Variants in ENTPD3 observed in about 807,000 individuals in gnomAD.
ENTPD3 encodes ectonucleoside triphosphate diphosphohydrolase 3.
ENTPD3 carries 60 observed loss-of-function variants against 51.2 expected under a neutral mutation model. The ratio of observed to expected loss-of-function variants is 1.17; its 90% CI spans 0.95 to 1.45. ENTPD3 has a LOEUF of 1.45. Ranked by LOEUF, ENTPD3 falls within the 40% of genes most tolerant of loss-of-function variation. The pLI is 0.00. For synonymous variants in ENTPD3, 221 were observed against 238.4 expected (o/e 0.93, Z 0.67); for missense variants, 593 against 641.1 (o/e 0.93, Z 0.81).
chr3:40,411,935 G>C lies in ENTPD3; in HGVS notation c.410G>C (p.Gly137Ala), dbSNP rs1955642206. 6.2e-7 allele frequency: 1 copy of C among 1,611,382 alleles called. No homozygotes were observed. Among genetic ancestry groups the C allele is most frequent in the Non-Finnish European group, 8.5e-7 (1 of 1,178,910 alleles). The change falls in exon 5 of 11, where the codon GGA becomes GCA. Residue 137 changes from glycine (G) to alanine (A), a missense_variant. By Grantham distance (60) the Gly-to-Ala change is moderately conservative. Transcript: ENST00000301825. ...CACGGATCCACCCCCATTCACCTGG[G>C]AGCCACGGCTGGGATGCGCTTGCTG... ...HLHGSTPIHL[G>A]ATAGMRLLRL...
chr3:40,415,845 C>G lies in ENTPD3; in HGVS notation c.603C>G (p.Asn201Lys), dbSNP rs1264758508. Reference protein sequence around the residue: ...NYLMGNFLEKNLWHMWVHPHG... With the variant: ...NYLMGNFLEKKLWHMWVHPHG... ...TTCCTTTTCCCACTGTGCAGAAGAA[C>G]CTGTGGCACATGTGGGTGCACCCGC... The change falls in exon 7 of 11, where the codon AAC becomes AAG. Residue 201 changes from asparagine (N) to lysine (K), a missense_variant. Coordinates refer to ENST00000301825, the MANE Select transcript of ENTPD3 (RefSeq NM_001248.4). 6.2e-7 allele frequency: 1 copy of G among 1,613,358 alleles called. No individual in the cohort carries two copies. The highest frequency in any genetic ancestry group is 8.5e-7 in the Non-Finnish European group (1 of 1,179,454).
At chr3:40,393,310 T>C (rs1559507433) in intron 3 of ENTPD3, among the ~76,000 whole-genome samples, 1 of 152,196 alleles carries the variant, frequency 6.6e-6, no homozygotes, top group Non-Finnish European at 1.5e-5. Context: ...TTTTGACTCA[T>C]TAAGAATGTA....
At chr3:40,389,860 A>T (rs1955015070) in intron 2 of ENTPD3, among the ~76,000 whole-genome samples, 1 of 152,160 alleles carries the variant, frequency 6.6e-6, no homozygotes, top group Admixed American at 6.5e-5. Flanking sequence ...GAAATAATGG[A>T]GGGGTAAAGC....
At chr3:40,390,126 G>A (rs994338290) in intron 2 of ENTPD3, among the ~76,000 whole-genome samples, 5 of 152,120 alleles carry the variant, frequency 3.3e-5, no homozygotes, top group Non-Finnish European at 7.3e-5. Context: ...TGAATCTAGT[G>A]ATCTTTCTAT....
At chr3:40,389,736 C>T (rs189385097) in intron 2 of ENTPD3, among the ~76,000 whole-genome samples, 2 of 152,194 alleles carry the variant, frequency 1.3e-5, no homozygotes, top group East Asian at 1.9e-4. Flanking sequence ...AGACCTACTG[C>T]GTGACTGCCC....
At chr3:40,405,564 G>A (rs1259366393) in intron 4 of ENTPD3, among the ~76,000 whole-genome samples, 2 of 151,864 alleles carry the variant, frequency 1.3e-5, no homozygotes, top group Non-Finnish European at 2.9e-5. Flanking sequence ...GCGTGTCTTT[G>A]GCTTCTGTTT....
At chr3:40,388,716 G>A (rs1048700393) in intron 2 of ENTPD3, among the ~76,000 whole-genome samples, 19 of 152,140 alleles carry the variant, frequency 1.2e-4, no homozygotes, top group Middle Eastern at 3.4e-3. Flanking sequence ...GCTCAGGTAG[G>A]TACCTTGCAA....
At chr3:40,411,701 C>G in intron 4 of ENTPD3, 111 bp from the exon 5 acceptor site, 3 of 1,147,006 alleles carry the variant, frequency 2.6e-6, no homozygotes, top group Non-Finnish European at 3.6e-6. Context: ...TGTTTTCGAC[C>G]CCCTACCAAA....
chr3:40,387,978 G>A (rs1175759469), intron 1 of ENTPD3, 68 bp from the exon 2 acceptor site: 21 of 1,330,108 alleles, frequency 1.6e-5, no homozygotes, highest in Non-Finnish European at 2.3e-5. Flanking sequence ...CTTAACCTGG[G>A]CTCGTTCTTT....
rs1485984545 is a variant in ENTPD3 at position 40,411,926 on chromosome 3, T to G, written c.401T>G (p.Ile134Ser). 6.2e-7 allele frequency: 1 copy of G among 1,611,838 alleles called. No individual in the cohort carries two copies. Among genetic ancestry groups the G allele is most frequent in the Non-Finnish European group, 8.5e-7 (1 of 1,179,100 alleles). The change falls in exon 5 of 11, where the codon ATT (isoleucine) becomes AGT (serine). Residue 134 changes from isoleucine to serine, a missense_variant. Physicochemically the swap from Ile to Ser is moderately radical, Grantham distance 142. Transcript: ENST00000301825. ...VPSHLHGSTP[I>S]HLGATAGMRL... is the part of the protein sequence containing the mutation. ...TCCCACCTCCACGGATCCACCCCCA[T>G]TCACCTGGGAGCCACGGCTGGGATG...
At chr3:40,388,461 C>T (rs1323751892) in intron 2 of ENTPD3, among the ~76,000 whole-genome samples, 2 of 152,000 alleles carry the variant, frequency 1.3e-5, no homozygotes, top group Non-Finnish European at 2.9e-5. Flanking sequence ...CCTGTATTCC[C>T]ATCCAAATGT....
intron 4 of ENTPD3, among the ~76,000 whole-genome samples, chr3:40,410,702 C>T (rs577353285): frequency 2.0e-5 from 3 of 152,044 alleles, no homozygotes; most frequent in East Asian, 1.9e-4. Context: ...AGGGTACAAT[C>T]GACAAACTCT....
intron 7 of ENTPD3, among the ~76,000 whole-genome samples, chr3:40,418,286 A>T (rs1418708848): frequency 2.6e-5 from 4 of 152,194 alleles, no homozygotes; most frequent in Non-Finnish European, 5.9e-5. Context: ...AGGATTACTG[A>T]CAAATTCATG....
rs970964051 is a variant in ENTPD3, at chr3:40,391,950, T to A, written c.41-73T>A. The A allele has an allele frequency of 2.6e-6, 4 of 1,565,868 alleles. No individual in the cohort carries two copies. In the African/African-American group the frequency reaches 5.4e-5, roughly 21 times the overall value. On this transcript the variant is annotated intron_variant, in intron 2 of 10. Coordinates refer to ENST00000301825, the MANE Select transcript of ENTPD3 (RefSeq NM_001248.4). ...TGCACCTGATTATGGGGCCAGTCCA[T>A]CAATTCTACAAAGAATACCAGTGCC...
chr3:40,410,132 C>A, intron 4 of ENTPD3, among the ~76,000 whole-genome samples: 2 of 152,002 alleles, frequency 1.3e-5, no homozygotes, highest in African/African-American at 4.8e-5. Context: ...AAAAGTAATT[C>A]CTAAAACTCA....
At chr3:40,411,999 A>C in intron 5 of ENTPD3, 37 bp downstream of exon 5, 2 of 1,569,240 alleles carry the variant, frequency 1.3e-6, no homozygotes, top group South Asian at 2.4e-5. Context: ...CCATTTGACC[A>C]AAATAACCAA....
chr3:40,387,768 G>A (rs182658594), intron 1 of ENTPD3, among the ~76,000 whole-genome samples: 15 of 152,214 alleles, frequency 9.9e-5, no homozygotes, highest in Admixed American at 9.2e-4. Flanking sequence ...TGTACAGGTG[G>A]AACAATCTGC....
At chr3:40,391,940 G>A (rs1955067157) in intron 2 of ENTPD3, 83 bp from the exon 3 acceptor site, 3 of 1,525,724 alleles carry the variant, frequency 2.0e-6, no homozygotes, top group Non-Finnish European at 2.7e-6. Flanking sequence ...CTGATTATGG[G>A]GCCAGTCCAT....
chr3:40,398,494 G>A (rs1161552979), intron 3 of ENTPD3, among the ~76,000 whole-genome samples: 4 of 152,104 alleles, frequency 2.6e-5, no homozygotes, highest in Non-Finnish European at 5.9e-5. Flanking sequence ...TTTCCTTCTT[G>A]CCTTCAGTTT....
Sources: allele counts gnomAD v4.1 joint callset (sites outside exome capture counted in the v4.1 genomes callset), GRCh38; gene constraint gnomAD v4.1.1; transcripts MANE v1.5; gene names NCBI Gene and HGNC (gene_info 2026-07-23, HGNC 2026-07-21).